Variants in SPAG16 observed in about 807,000 individuals in gnomAD.
SPAG16 encodes the protein sperm-associated antigen 16 protein.
SPAG16 carries 86 observed loss-of-function variants against 80.4 expected under a neutral mutation model. The observed-to-expected ratio is 1.07, with a 90% CI of 0.90 to 1.28. The LOEUF (loss-of-function observed/expected upper bound fraction) is 1.28, where lower values mean the gene tolerates loss of function less well. Ranked by LOEUF, SPAG16 falls within the 50% of genes most tolerant of loss-of-function variation. The probability of loss-of-function intolerance (pLI) is 0.00; values close to 1 mark genes in which losing one functional copy is unlikely to be tolerated. For missense variants in SPAG16, 870 were observed against 765.3 expected (o/e 1.14, Z -1.61); for synonymous variants, 294 against 265.9 (o/e 1.11, Z -1.03).
At chr2:213,559,876 T>C (rs967287227) in intron 10 of SPAG16, among the ~76,000 whole-genome samples, 3 of 152,094 alleles carry the variant, frequency 2.0e-5, no homozygotes, top group East Asian at 1.9e-4. Flanking sequence ...ACAATCAATA[T>C]TTTAAACACG....
In SPAG16 at chr2:213,343,932, A is replaced by G. The variant is rs193177225; in HGVS notation, c.644+3662A>G. Among the ~76,000 whole-genome samples the G allele has an allele frequency of 4.6e-5, 7 of 152,212 alleles. No homozygotes were observed. In the East Asian group the frequency reaches 1.2e-3, roughly 25 times the overall value. On this transcript the variant is annotated intron_variant, in intron 6 of 15. Transcript: ENST00000331683. The stretch of plus-strand genomic sequence containing the variant: ...TGAAATCCAAGAAGAGGCTGGGCAT[A>G]ACCTTCCCTATTCTGCTAGCTTATT...
At chr2:214,127,671 T>C (rs1170942957) in intron 14 of SPAG16, among the ~76,000 whole-genome samples, 1 of 151,920 alleles carries the variant, frequency 6.6e-6, no homozygotes, top group Non-Finnish European at 1.5e-5. Context: ...CCAGGATGAT[T>C]CCATAGCTCA....
At chr2:213,977,996 G>C (rs1011030259) in intron 12 of SPAG16, among the ~76,000 whole-genome samples, 3 of 150,726 alleles carry the variant, frequency 2.0e-5, no homozygotes, top group African/African-American at 7.3e-5. Flanking sequence ...TTTTTGTTGA[G>C]AGGATTTATG....
intron 10 of SPAG16, among the ~76,000 whole-genome samples, chr2:213,617,059 C>A (rs76972363): frequency 0.024 from 3,687 of 152,080 alleles, 152 homozygotes; most frequent in African/African-American, 0.085. Context: ...TGGGCCCCTG[C>A]AGATGAAACT....
At chr2:214,276,813 A>G (rs1692501848) in intron 15 of SPAG16, among the ~76,000 whole-genome samples, 2 of 151,916 alleles carry the variant, frequency 1.3e-5, no homozygotes, top group Non-Finnish European at 2.9e-5. Context: ...TGTTCTCTTT[A>G]TTTCCTGAAT....
intron 12 of SPAG16, among the ~76,000 whole-genome samples, chr2:213,936,505 T>C (rs972258879): frequency 1.3e-5 from 2 of 152,104 alleles, no homozygotes; most frequent in African/African-American, 2.4e-5. Context: ...TGGGGAACTA[T>C]TGTAGCAATC....
intron 15 of SPAG16, among the ~76,000 whole-genome samples, chr2:214,235,931 G>A (rs1044734819): frequency 9.9e-5 from 15 of 152,020 alleles, no homozygotes; most frequent in African/African-American, 3.6e-4. Context: ...AGCTTATTTT[G>A]AACTAATTTT....
At chr2:214,354,391 G>T (rs917882443) in intron 15 of SPAG16, among the ~76,000 whole-genome samples, 1 of 152,096 alleles carries the variant, frequency 6.6e-6, no homozygotes, top group African/African-American at 2.4e-5. Flanking sequence ...ATGCTGTTTT[G>T]GTTACTGTAG....
At chr2:213,430,014 A>G (rs1485782873) in intron 9 of SPAG16, among the ~76,000 whole-genome samples, 1 of 152,252 alleles carries the variant, frequency 6.6e-6, no homozygotes, top group Non-Finnish European at 1.5e-5. Context: ...AATATTCCAG[A>G]TAAAGAGTTC....
chr2:214,385,566 G>A (rs538236929), intron 15 of SPAG16, among the ~76,000 whole-genome samples: 5 of 152,238 alleles, frequency 3.3e-5, no homozygotes, highest in South Asian at 4.1e-4. Flanking sequence ...ACTCTAGGCC[G>A]GGCACAGTGG....
chr2:214,331,124 T>C (rs948450861), intron 15 of SPAG16, among the ~76,000 whole-genome samples: 2 of 152,202 alleles, frequency 1.3e-5, no homozygotes, highest in African/African-American at 4.8e-5. Flanking sequence ...TTCCTGGGGC[T>C]CCGGCAACTG....
At chr2:213,872,395 T>G (rs1172322793) in intron 11 of SPAG16, among the ~76,000 whole-genome samples, 1 of 152,146 alleles carries the variant, frequency 6.6e-6, no homozygotes, top group East Asian at 1.9e-4. Flanking sequence ...ACAAATACAC[T>G]ATTCTTCCAC....
At chr2:214,209,891 G>A (rs890230410) in intron 15 of SPAG16, among the ~76,000 whole-genome samples, 2 of 152,064 alleles carry the variant, frequency 1.3e-5, no homozygotes, top group African/African-American at 4.8e-5. Flanking sequence ...GATAACCTCA[G>A]GGAAGTTCCT....
chr2:213,425,882 A>G (rs1017304233), intron 9 of SPAG16, among the ~76,000 whole-genome samples: 2 of 152,194 alleles, frequency 1.3e-5, no homozygotes, highest in African/African-American at 4.8e-5. Flanking sequence ...ACAGGGCTCC[A>G]TGGAGTAATA....
chr2:213,349,856 T>G (rs1321637137), intron 6 of SPAG16, among the ~76,000 whole-genome samples: 1 of 152,194 alleles, frequency 6.6e-6, no homozygotes. Flanking sequence ...TTCTGGGGTG[T>G]TAGACATGCT....
intron 10 of SPAG16, among the ~76,000 whole-genome samples, chr2:213,599,464 G>T: frequency 6.6e-6 from 1 of 152,134 alleles, no homozygotes. Context: ...ACTCAACATG[G>T]TGATGACAAG....
chr2:213,816,575 C>T (rs1225985863), intron 10 of SPAG16, among the ~76,000 whole-genome samples: 1 of 151,882 alleles, frequency 6.6e-6, no homozygotes, highest in African/African-American at 2.4e-5. Context: ...TAAATTATTA[C>T]AAACAATACC....
At position 214,053,180 on chromosome 2, in the gene SPAG16, G is replaced by A. The variant is rs1007142803; in HGVS notation, c.1527+39103G>A. The stretch of plus-strand genomic sequence containing the variant: ...ATGGAAAGGGTATTGCATAAAATAC[G>A]GATGACAGCTATTCCATTTGAACCT... On this transcript the variant is annotated intron_variant, in intron 13 of 15. Coordinates refer to ENST00000331683, the MANE Select transcript of SPAG16 (RefSeq NM_024532.5). 1.1e-4 allele frequency among the ~76,000 whole-genome samples: 17 copies of A among 152,134 alleles called. 1 individual carries two copies. Among genetic ancestry groups the A allele is most frequent in the African/African-American group, 4.1e-4 (17 of 41,418 alleles).
chr2:213,313,994 C>G (rs2063306886), intron 4 of SPAG16, among the ~76,000 whole-genome samples: 1 of 151,776 alleles, frequency 6.6e-6, no homozygotes, highest in African/African-American at 2.4e-5. Context: ...ACATCCTATG[C>G]CTTGGGTGCC....
Sources: allele counts gnomAD v4.1 joint callset (sites outside exome capture counted in the v4.1 genomes callset), GRCh38; gene constraint gnomAD v4.1.1; transcripts MANE v1.5; gene names NCBI Gene and HGNC (gene_info 2026-07-23, HGNC 2026-07-21).